Variants in LAMA4 observed in about 807,000 individuals in gnomAD.
The protein encoded by LAMA4 is laminin subunit alpha 4.
A neutral mutation model predicts 207.1 loss-of-function variants in LAMA4; 127 were observed. The ratio of observed to expected loss-of-function variants is 0.61; its 90% CI spans 0.53 to 0.71. LAMA4 has a LOEUF of 0.71. Ranked by LOEUF, LAMA4 falls within the 30% of genes least tolerant of loss-of-function variation. The pLI, the probability that LAMA4 is intolerant of heterozygous loss-of-function variation, is 0.00. For missense variants in LAMA4, 2,093 were observed against 2,246.5 expected, an observed-to-expected ratio of 0.93 and a Z score of 1.38; for synonymous variants, 761 against 816.0, an observed-to-expected ratio of 0.93 and a Z score of 1.15.
intron 2 of LAMA4, among the ~76,000 whole-genome samples, chr6:112,247,011 G>A (rs916775110): frequency 6.6e-6 from 1 of 152,122 alleles, no homozygotes; most frequent in Non-Finnish European, 1.5e-5. Flanking sequence ...AAAAGTACTC[G>A]AATTTATGGA....
At chr6:112,111,733 C>G (rs1242272869) in intron 38 of LAMA4, among the ~76,000 whole-genome samples, 1 of 152,264 alleles carries the variant, frequency 6.6e-6, no homozygotes, top group African/African-American at 2.4e-5. Context: ...CCTGCTAGCT[C>G]CTGTGCTGGC....
chr6:112,130,005 C>T lies in LAMA4; in HGVS notation c.4004G>A (p.Ser1335Asn), dbSNP rs1554329125. ...TATTTTCCCTTTGGTAGGATTCTTA[C>T]TCCCAACTCTGCTTTTATCTACTAT... ...ELIVDKSRVG[S>N]KNPTKGKIEQ... The change falls in exon 30 of 39, where the codon AGT (serine) becomes AAT (asparagine). Residue 1335 changes from serine (S) to asparagine (N), a missense_variant. Transcript: ENST00000230538. 2 of 1,613,312 alleles carry T rather than the reference C, an allele frequency of 1.2e-6. No homozygotes were observed. The highest frequency in any genetic ancestry group is 2.2e-5 in the South Asian group (2 of 91,064).
intron 18 of LAMA4, among the ~76,000 whole-genome samples, chr6:112,145,546 G>A (rs1467919953): frequency 1.3e-5 from 2 of 152,316 alleles, no homozygotes; most frequent in South Asian, 2.1e-4. Context: ...GCAAGCAGCC[G>A]AGACAGAGCA....
chr6:112,214,660 T>C (rs1316341431), intron 3 of LAMA4, among the ~76,000 whole-genome samples: 2 of 152,226 alleles, frequency 1.3e-5, no homozygotes, highest in African/African-American at 4.8e-5. Context: ...CTATTTCTTT[T>C]TGTATTCATT....
chr6:112,253,338 A>G (rs1787595470), intron 2 of LAMA4: 1 of 219,874 alleles, frequency 4.5e-6, no homozygotes, highest in African/African-American at 2.3e-5. Flanking sequence ...AGCTCTTTGA[A>G]TAAACATATT....
chr6:112,216,938 C>A (rs1032967782), intron 2 of LAMA4, among the ~76,000 whole-genome samples: 2 of 152,180 alleles, frequency 1.3e-5, no homozygotes, highest in Non-Finnish European at 2.9e-5. Context: ...AGGATAGCAA[C>A]TGAGTCTTTC....
At chr6:112,181,540 AC>A (rs1426807551) in intron 9 of LAMA4, among the ~76,000 whole-genome samples, 2 of 151,984 alleles carry the variant, frequency 1.3e-5, no homozygotes, top group Non-Finnish European at 2.9e-5. Context: ...CATAGTACTT[AC>A]CCCTTGCTTG....
Position 112,129,076 on chromosome 6 carries a change from CTG to C in LAMA4, c.4134-3_4134-2del. The C allele has an allele frequency of 6.2e-7, 1 of 1,609,678 alleles. No homozygotes were observed. The highest frequency in any genetic ancestry group is 8.5e-7 in the Non-Finnish European group (1 of 1,176,198). On this transcript the variant is annotated splice_acceptor_variant and splice_polypyrimidine_tract_variant and intron_variant, in intron 30 of 38. Coordinates refer to ENST00000230538, the MANE Select transcript of LAMA4 (RefSeq NM_001105206.3). LOFTEE classifies it high-confidence loss of function. ...TTCAACCTCCACATCTCTATCCACC[CTG>C]TGTTTGTAACAGAGGAAAAAATAAA...
In LAMA4 at chr6:112,141,501, G is replaced by A; in HGVS notation, c.2670C>T (p.Ala890=). 6.3e-7 allele frequency: 1 copy of A among 1,596,960 alleles called. No homozygotes were observed. The highest frequency in any genetic ancestry group is 8.6e-7 in the Non-Finnish European group (1 of 1,164,628). ...TTGCAAGACCCATATACTCTTTTTT[G>A]GCCTGAAATATCAAGAAGTAAGAAG... The part of the protein sequence containing the change: ...QFILYLGSKN[A]KKEYMGLAIK... Residue 890 remains alanine, a splice_region_variant and synonymous_variant, in exon 21 of 39, where the codon GCC becomes GCT. Transcript: ENST00000230538.
At chr6:112,150,202 GACACACACACAC>G (rs68144829) in intron 17 of LAMA4, among the ~76,000 whole-genome samples, 1 of 143,454 alleles carries the variant, frequency 7.0e-6, no homozygotes, top group South Asian at 2.3e-4. Flanking sequence ...CCCATTAAAA[GACACACACACAC>G]ACACACACAC....
At chr6:112,164,390 A>G (rs1242957716) in intron 13 of LAMA4, among the ~76,000 whole-genome samples, 2 of 151,878 alleles carry the variant, frequency 1.3e-5, no homozygotes, top group East Asian at 3.9e-4. Context: ...GTTTGGGAGG[A>G]GGTACTGTTA....
intron 3 of LAMA4, among the ~76,000 whole-genome samples, chr6:112,211,522 T>C (rs1430948839): frequency 6.6e-6 from 1 of 152,178 alleles, no homozygotes; most frequent in Non-Finnish European, 1.5e-5. Flanking sequence ...TGCCTTTGAG[T>C]AACTCACAGA....
Position 112,216,368 on chromosome 6 carries a change from C to T in LAMA4, c.297G>A (p.Val99=), listed in dbSNP as rs1554358665. ...AAGTGTTATAGGTGCCCCAACTTAC[C>T]ACACAGTATCCTGAGCCGTCCAAAC... ...NECLDGSGYC[V]HCQRNTTGEH... The change falls in exon 3 of 39, where the codon GTG becomes GTA. Residue 99 remains valine (V), a splice_region_variant and synonymous_variant. Transcript: ENST00000230538. 3.1e-6 allele frequency: 5 copies of T among 1,603,858 alleles called. No homozygotes were observed. In the Admixed American group the frequency reaches 8.3e-5, roughly 27 times the overall value.
At chr6:112,233,208 T>A (rs1466271216) in intron 2 of LAMA4, among the ~76,000 whole-genome samples, 1 of 152,176 alleles carries the variant, frequency 6.6e-6, no homozygotes, top group Non-Finnish European at 1.5e-5. Context: ...CAGAATCGTA[T>A]CAGAGCATAC....
chr6:112,253,842 ACT>A, intron 2 of LAMA4, 112 bp downstream of exon 2: 1 of 1,614,184 alleles, frequency 6.2e-7, no homozygotes, highest in East Asian at 2.2e-5. Flanking sequence ...CCCAGGTGAA[ACT>A]CTCAAGGCAC....
At chr6:112,198,204 G>A (rs1554351093) in intron 5 of LAMA4, among the ~76,000 whole-genome samples, 1 of 152,128 alleles carries the variant, frequency 6.6e-6, no homozygotes, top group Middle Eastern at 3.2e-3. Context: ...TCAGTGGGTG[G>A]TGAAGGGGAG....
intron 3 of LAMA4, among the ~76,000 whole-genome samples, chr6:112,209,349 G>A (rs1784240857): frequency 6.6e-6 from 1 of 152,168 alleles, no homozygotes; most frequent in African/African-American, 2.4e-5. Flanking sequence ...CTCGATAGAT[G>A]CTTTAGATTC....
At chr6:112,112,989 G>A (rs1554322093) in intron 38 of LAMA4, among the ~76,000 whole-genome samples, 1 of 152,154 alleles carries the variant, frequency 6.6e-6, no homozygotes, top group African/African-American at 2.4e-5. Flanking sequence ...GAGGTAGAGA[G>A]TAGTTGGTAG....
chr6:112,218,227 G>A (rs944005542), intron 2 of LAMA4: 14 of 152,114 alleles, frequency 9.2e-5, no homozygotes, highest in Non-Finnish European at 1.5e-5. Context: ...CTTAAATGGT[G>A]GTTTCTGAGC....
Sources: allele counts gnomAD v4.1 joint callset (sites outside exome capture counted in the v4.1 genomes callset), GRCh38; gene constraint gnomAD v4.1.1; transcripts MANE v1.5; gene names NCBI Gene and HGNC (gene_info 2026-07-23, HGNC 2026-07-21).